The following SCAPER variants were observed in gnomAD, a reference collection of about 807,000 sequenced individuals.
The protein encoded by SCAPER is S-phase cyclin A associated protein in the ER.
SCAPER carries 98 observed loss-of-function variants against 182.2 expected under a neutral mutation model. That is an observed-to-expected ratio of 0.54 (90% CI 0.46 to 0.64). The LOEUF (loss-of-function observed/expected upper bound fraction) is 0.64, where lower values mean the gene tolerates loss of function less well. Ranked by LOEUF, SCAPER falls within the 30% of genes least tolerant of loss-of-function variation. The pLI, the probability that SCAPER is intolerant of heterozygous loss-of-function variation, is 0.00. For missense variants in SCAPER, 1,432 were observed against 1,690.0 expected, an observed-to-expected ratio of 0.85 and a Z score of 2.68; for synonymous variants, 605 against 564.6, an observed-to-expected ratio of 1.07 and a Z score of -1.01.
chr15:76,657,698 A>T (rs193172535), intron 21 of SCAPER, among the ~76,000 whole-genome samples: 12 of 152,238 alleles, frequency 7.9e-5, no homozygotes, highest in Non-Finnish European at 1.5e-4. Context: ...ACCCAGCAAC[A>T]CATCAAAAAA....
In SCAPER at chr15:76,893,165, G is replaced by T. The variant is rs112693038; in HGVS notation, c.-59-9289C>A. Among the ~76,000 whole-genome samples the T allele has an allele frequency of 7.9e-3, 1,197 of 152,272 alleles. 11 individuals carry two copies. The highest frequency in any genetic ancestry group is 0.027 in the African/African-American group (1,136 of 41,558). ...CACAGGGCAGGGAACATCACACACC[G>T]GAGCCTGTCACTGGGTGGGGGGCTG... On this transcript the variant is annotated intron_variant, in intron 1 of 31. Coordinates refer to ENST00000563290, the MANE Select transcript of SCAPER (RefSeq NM_020843.4).
intron 26 of SCAPER, among the ~76,000 whole-genome samples, chr15:76,411,517 C>T (rs2045286533): frequency 1.3e-5 from 2 of 152,054 alleles, no homozygotes; most frequent in South Asian, 4.2e-4. Context: ...TTTGTTTGTT[C>T]CTTCTCTTGT....
rs116446972 is a variant in SCAPER at position 76,749,145 on chromosome 15, A to G, written c.1866+4663T>C. Among the ~76,000 whole-genome samples, 555 of 151,232 alleles carry G rather than the reference A, an allele frequency of 3.7e-3. 6 individuals carry two copies. Among genetic ancestry groups the G allele is most frequent in the African/African-American group, 0.013 (536 of 41,260 alleles). On this transcript the variant is annotated intron_variant, in intron 15 of 31. Transcript: ENST00000563290. ...AGCAAATCAAATTCACCAATACACA[A>G]AAATGATAATATACTATGAATACAT...
chr15:76,568,061 T>A (rs1234603079), intron 23 of SCAPER, among the ~76,000 whole-genome samples: 1 of 151,948 alleles, frequency 6.6e-6, no homozygotes, highest in Non-Finnish European at 1.5e-5. Context: ...GTAACATTTT[T>A]TAAAAAACAA....
chr15:76,814,430 C>T (rs535414470), intron 5 of SCAPER, among the ~76,000 whole-genome samples: 33 of 152,024 alleles, frequency 2.2e-4, no homozygotes, highest in Admixed American at 1.6e-3. Flanking sequence ...AACAGAACAA[C>T]GAAATGTAAC....
chr15:76,734,240 T>A (rs1288286614), intron 15 of SCAPER, among the ~76,000 whole-genome samples: 5 of 152,198 alleles, frequency 3.3e-5, no homozygotes, highest in Non-Finnish European at 5.9e-5. Context: ...TGCTAGAAAG[T>A]ACAGATATTA....
chr15:76,464,405 T>C (rs991010276), intron 25 of SCAPER, among the ~76,000 whole-genome samples: 1 of 152,110 alleles, frequency 6.6e-6, no homozygotes, highest in Non-Finnish European at 1.5e-5. Flanking sequence ...ACACAGGCGA[T>C]TGGTTCAGTG....
At chr15:76,799,969 A>C (rs2065631353) in intron 7 of SCAPER, among the ~76,000 whole-genome samples, 1 of 151,716 alleles carries the variant, frequency 6.6e-6, no homozygotes, top group Admixed American at 6.6e-5. Context: ...TGTGCAAGTC[A>C]GCATATGACT....
chr15:76,837,755 C>T (rs1053633163), intron 5 of SCAPER, among the ~76,000 whole-genome samples: 1 of 152,132 alleles, frequency 6.6e-6, no homozygotes, highest in Non-Finnish European at 1.5e-5. Flanking sequence ...GGGCAAAGTA[C>T]ACGAACAGAC....
At chr15:76,490,047 C>A (rs1197085294) in intron 24 of SCAPER, among the ~76,000 whole-genome samples, 1 of 152,116 alleles carries the variant, frequency 6.6e-6, no homozygotes, top group Non-Finnish European at 1.5e-5. Flanking sequence ...ATCTGAATGT[C>A]AATGGACATT....
At chr15:76,357,188 A>ACACACACACACACACACACC (rs774672151) in intron 29 of SCAPER, among the ~76,000 whole-genome samples, 16 of 149,188 alleles carry the variant, frequency 1.1e-4, no homozygotes, top group East Asian at 2.0e-4. Flanking sequence ...ACACACACAC[A>ACACACACACACACACACACC]CCCCTATGGC....
intron 29 of SCAPER, among the ~76,000 whole-genome samples, chr15:76,357,136 C>T (rs1032400759): frequency 3.6e-5 from 4 of 112,436 alleles, no homozygotes; most frequent in Non-Finnish European, 7.6e-5. Context: ...AAAGAAGTAA[C>T]CTTTTTATTG....
chr15:76,886,629 T>A (rs1252512756), intron 1 of SCAPER, among the ~76,000 whole-genome samples: 2 of 152,148 alleles, frequency 1.3e-5, no homozygotes, highest in East Asian at 3.8e-4. Flanking sequence ...AAGACACAAA[T>A]ATAATTCAAT....
At chr15:76,554,222 AG>A (rs1216344332) in intron 23 of SCAPER, among the ~76,000 whole-genome samples, 2 of 152,230 alleles carry the variant, frequency 1.3e-5, no homozygotes, top group African/African-American at 4.8e-5. Flanking sequence ...AGCCAAGCTG[AG>A]GAAAGAATCT....
intron 27 of SCAPER, among the ~76,000 whole-genome samples, chr15:76,399,366 G>A (rs533906306): frequency 5.3e-5 from 8 of 152,182 alleles, no homozygotes; most frequent in Non-Finnish European, 1.2e-4. Flanking sequence ...TTGAACTTCT[G>A]ACCTCAGGTG....
At chr15:76,837,949 G>C (rs2069100561) in intron 5 of SCAPER, among the ~76,000 whole-genome samples, 1 of 152,214 alleles carries the variant, frequency 6.6e-6, no homozygotes, top group Middle Eastern at 3.2e-3. Context: ...TACACTGCTG[G>C]TGGGAATGTA....
chr15:76,766,540 G>T (rs1210495626), intron 11 of SCAPER, among the ~76,000 whole-genome samples: 1 of 150,878 alleles, frequency 6.6e-6, no homozygotes, highest in Non-Finnish European at 1.5e-5. Context: ...GTTTTGCTAT[G>T]TTGCCCAGGC....
chr15:76,807,538 CT>C (rs922584100), intron 5 of SCAPER, among the ~76,000 whole-genome samples: 21 of 151,274 alleles, frequency 1.4e-4, no homozygotes, highest in Admixed American at 3.3e-4. Flanking sequence ...TTATTTTTTA[CT>C]TTTTTTATTA....
intron 23 of SCAPER, among the ~76,000 whole-genome samples, chr15:76,536,901 C>T (rs572506732): frequency 2.6e-5 from 4 of 151,688 alleles, no homozygotes; most frequent in Admixed American, 1.3e-4. Flanking sequence ...ACAAAAATCA[C>T]AAGCATTCTT....
Sources: allele counts gnomAD v4.1 joint callset (sites outside exome capture counted in the v4.1 genomes callset), GRCh38; gene constraint gnomAD v4.1.1; transcripts MANE v1.5; gene names NCBI Gene and HGNC (gene_info 2026-07-23, HGNC 2026-07-21).